The following CAMTA1 variants were observed in gnomAD, a reference collection of about 807,000 sequenced individuals.
The protein encoded by CAMTA1 is calmodulin binding transcription activator 1, also known as calmodulin-binding transcription activator 1.
A neutral mutation model predicts 170.9 loss-of-function variants in CAMTA1; 27 were observed. The ratio of observed to expected loss-of-function variants is 0.16; its 90% CI spans 0.12 to 0.22. The LOEUF (loss-of-function observed/expected upper bound fraction) is 0.22. CAMTA1 is among the 10% of genes least tolerant of loss of function. The pLI, the probability that CAMTA1 is intolerant of heterozygous loss-of-function variation, is 1.00. For synonymous variants in CAMTA1, 833 were observed against 891.5 expected (o/e 0.93, Z 1.17); for missense variants, 1,619 against 2,217.2 (o/e 0.73, Z 5.42).
At chr1:7,060,441 C>T (rs1708032971) in intron 3 of CAMTA1, among the ~76,000 whole-genome samples, 1 of 152,242 alleles carries the variant, frequency 6.6e-6, no homozygotes, top group Non-Finnish European at 1.5e-5. Flanking sequence ...TTAACTTAGT[C>T]ACCTCTTTAA....
At position 7,293,799 on chromosome 1, in the gene CAMTA1, T is replaced by G. The variant is rs1673511600; in HGVS notation, c.438+44173T>G. Among the ~76,000 whole-genome samples, 1 of 152,210 alleles carries G rather than the reference T, an allele frequency of 6.6e-6. No homozygotes were observed. Among genetic ancestry groups the G allele is most frequent in the Admixed American group, 6.5e-5 (1 of 15,280 alleles). On this transcript the variant is annotated intron_variant, in intron 5 of 22. Transcript: ENST00000303635. This position sits in a 1 kb window ranked among gnomAD's most constrained non-coding sequence, Gnocchi z 4.1. ...CTGCCTCCCGATGGCTGCCCAGGGTTTCCAGCTCTCCCGTGCCCCTCGCTT... is the reference window on the plus strand; with the variant it reads ...CTGCCTCCCGATGGCTGCCCAGGGTGTCCAGCTCTCCCGTGCCCCTCGCTT...
chr1:7,703,466 C>A (rs1446154366), intron 11 of CAMTA1, among the ~76,000 whole-genome samples: 1 of 152,168 alleles, frequency 6.6e-6, no homozygotes, highest in Non-Finnish European at 1.5e-5. Flanking sequence ...GACGATCTAC[C>A]GGCATGGGCA....
At chr1:6,790,604 T>C (rs544067734) in intron 1 of CAMTA1, among the ~76,000 whole-genome samples, 1 of 152,264 alleles carries the variant, frequency 6.6e-6, no homozygotes, top group African/African-American at 2.4e-5. Context: ...TCGGATTAAC[T>C]GGTATGGTTC....
chr1:7,282,160 T>C (rs1286556700), intron 5 of CAMTA1, among the ~76,000 whole-genome samples: 1 of 152,124 alleles, frequency 6.6e-6, no homozygotes, highest in African/African-American at 2.4e-5. Context: ...TAGACTATAT[T>C]AAAAATACCT....
chr1:7,568,898 C>A (rs2095085795), intron 6 of CAMTA1, among the ~76,000 whole-genome samples: 1 of 151,610 alleles, frequency 6.6e-6, no homozygotes, highest in Non-Finnish European at 1.5e-5. Context: ...ACCATCACCA[C>A]CACCATCCAT....
intron 1 of CAMTA1, among the ~76,000 whole-genome samples, chr1:6,796,525 G>A (rs769982851): frequency 6.6e-6 from 1 of 152,072 alleles, no homozygotes; most frequent in Non-Finnish European, 1.5e-5. Context: ...ATTAAATGAT[G>A]TTTTATTCAA....
At chr1:7,711,503 T>A (rs534950547) in intron 11 of CAMTA1, among the ~76,000 whole-genome samples, 20 of 152,324 alleles carry the variant, frequency 1.3e-4, no homozygotes, top group African/African-American at 4.8e-4. Flanking sequence ...AACACCATCC[T>A]GAAGCTACAG....
rs1457466783 is a variant in CAMTA1, at chr1:7,165,695, G to T, written c.302+74324G>T. On this transcript the variant is annotated intron_variant, in intron 4 of 22. Coordinates refer to ENST00000303635, the MANE Select transcript of CAMTA1 (RefSeq NM_015215.4). ...GATCCACCCGTCTCGTCCTCCCAAAGTGCCAGGATTACAGGCGTGAGCCAC... is the reference window on the plus strand; with the variant it reads ...GATCCACCCGTCTCGTCCTCCCAAATTGCCAGGATTACAGGCGTGAGCCAC... 3.9e-5 allele frequency among the ~76,000 whole-genome samples: 6 copies of T among 152,318 alleles called. No individual in the cohort carries two copies. The South Asian group carries it at 1.0e-3, about 26-fold the overall frequency.
intron 4 of CAMTA1, among the ~76,000 whole-genome samples, chr1:7,160,789 G>A (rs1223253593): frequency 6.6e-6 from 1 of 152,056 alleles, no homozygotes; most frequent in Non-Finnish European, 1.5e-5. Flanking sequence ...CTTCCCCTTG[G>A]ATTCCCCACA....
In CAMTA1 at chr1:7,664,493, C is replaced by T. The variant is rs772421310; in HGVS notation, c.1946C>T (p.Thr649Met). The change falls in exon 9 of 23, where the codon ACG (threonine) becomes ATG (methionine). Residue 649 changes from threonine to methionine, a missense_variant. Around this residue, in one of 8 missense-constraint regions of CAMTA1, gnomAD observed 731 missense variants for 907.6 expected, o/e 0.81. Coordinates refer to ENST00000303635, the MANE Select transcript of CAMTA1 (RefSeq NM_015215.4). ...GGTFVMPTVK[T>M]EASSQTSSCS... ...ACCTTCGTGATGCCCACGGTGAAAA[C>T]GGAGGCCTCGTCCCAAACCAGCTCC... 18 of 1,613,308 alleles carry T rather than the reference C, an allele frequency of 1.1e-5. No individual in the cohort carries two copies. The highest frequency in any genetic ancestry group is 7.7e-5 in the South Asian group (7 of 91,092).
chr1:7,098,925 G>A (rs1045045195), intron 4 of CAMTA1, among the ~76,000 whole-genome samples: 2 of 152,126 alleles, frequency 1.3e-5, no homozygotes, highest in South Asian at 4.1e-4. Context: ...CACTTCTTGG[G>A]GCCAGGAGTG....
intron 5 of CAMTA1, among the ~76,000 whole-genome samples, chr1:7,263,641 C>A (rs1026450241): frequency 1.3e-5 from 2 of 152,054 alleles, no homozygotes; most frequent in African/African-American, 4.8e-5. Flanking sequence ...AGCTAGAGAG[C>A]CCAATATTTG....
chr1:6,996,683 A>T (rs867023432), intron 3 of CAMTA1, among the ~76,000 whole-genome samples: 9 of 114,562 alleles, frequency 7.9e-5, no homozygotes, highest in Admixed American at 2.0e-4. Context: ...AAAGCTATTT[A>T]AAAAAAAAAG....
intron 5 of CAMTA1, among the ~76,000 whole-genome samples, chr1:7,414,873 C>G (rs1472580816): frequency 2.6e-5 from 4 of 152,060 alleles, no homozygotes. Flanking sequence ...TTGGATCTTT[C>G]CTGCTTTCTT....
chr1:7,581,251 A>G (rs1307541251), intron 6 of CAMTA1, among the ~76,000 whole-genome samples: 1 of 152,262 alleles, frequency 6.6e-6, no homozygotes, highest in Non-Finnish European at 1.5e-5. Context: ...GGAACCCCAG[A>G]AACTTTTTCC....
chr1:7,518,781 A>G (rs2094321932), intron 6 of CAMTA1, among the ~76,000 whole-genome samples: 1 of 152,014 alleles, frequency 6.6e-6, no homozygotes, highest in South Asian at 2.1e-4. Flanking sequence ...AAAAGTCAGG[A>G]GGAGCCACAC....
intron 3 of CAMTA1, among the ~76,000 whole-genome samples, chr1:6,838,108 T>G (rs1357457978): frequency 4.6e-5 from 7 of 152,172 alleles, no homozygotes; most frequent in Non-Finnish European, 1.5e-5. Context: ...GTTCATTGAA[T>G]GAATGAGTAA....
intron 6 of CAMTA1, among the ~76,000 whole-genome samples, chr1:7,554,911 C>G (rs949539791): frequency 6.6e-6 from 1 of 152,030 alleles, no homozygotes; most frequent in Non-Finnish European, 1.5e-5. Context: ...AATCTGAGAA[C>G]TGAATTTTTC....
At chr1:7,188,092 C>A (rs1316805925) in intron 4 of CAMTA1, among the ~76,000 whole-genome samples, 31 of 152,136 alleles carry the variant, frequency 2.0e-4, no homozygotes, top group Non-Finnish European at 2.9e-5. Flanking sequence ...AGGGGAACTA[C>A]CAAACACATA....
Sources: gnomAD v4.1 joint callset for allele counts (sites outside exome capture counted in the v4.1 genomes callset) on GRCh38, gnomAD v4.1.1 for gene constraint, gnomAD v4.1.1 regional missense constraint, Gnocchi (gnomAD v3.1) non-coding constraint, MANE v1.5 for transcripts, NCBI Gene and HGNC (gene_info 2026-07-23, HGNC 2026-07-21) for gene names.